PGPEP1L: variants seen among roughly 807,000 people sequenced by gnomAD.
PGPEP1L encodes the protein pyroglutamyl-peptidase 1-like protein.
A neutral mutation model predicts 6.0 loss-of-function variants in PGPEP1L; 7 were observed. That is an observed-to-expected ratio of 1.17 (90% CI 0.66 to 2.19). PGPEP1L has a LOEUF of 2.19. Ranked by LOEUF, PGPEP1L falls within the 30% of genes most tolerant of loss-of-function variation. The probability of loss-of-function intolerance (pLI) is 0.00; values close to 1 mark genes in which losing one functional copy is unlikely to be tolerated. For missense variants in PGPEP1L, 209 were observed against 192.5 expected (o/e 1.09, Z -0.51); for synonymous variants, 103 against 83.9 (o/e 1.23, Z -1.24).
At chr15:98,969,378 T>C (rs375966709) in intron 4 of PGPEP1L, 47 bp downstream of exon 4, 35 of 1,606,254 alleles carry the variant, frequency 2.2e-5, no homozygotes, top group African/African-American at 4.0e-5. Flanking sequence ...CTGACGGCCA[T>C]TGCTTCTCTC....
intron 2 of PGPEP1L, among the ~76,000 whole-genome samples, chr15:98,986,084 T>C (rs2017742484): frequency 6.6e-6 from 1 of 152,246 alleles, no homozygotes; most frequent in South Asian, 2.1e-4. Flanking sequence ...TTATGGACCA[T>C]GTCCTCTCCC....
At chr15:98,970,983 C>T in intron 3 of PGPEP1L, 53 bp downstream of exon 3, 7 of 1,605,870 alleles carry the variant, frequency 4.4e-6, no homozygotes, top group Non-Finnish European at 6.0e-6. Context: ...GGTTCAGAGG[C>T]TCCAGCTCCA....
chr15:98,970,831 C>G (rs2017482819), intron 3 of PGPEP1L, among the ~76,000 whole-genome samples: 1 of 152,206 alleles, frequency 6.6e-6, no homozygotes, highest in Non-Finnish European at 1.5e-5. Flanking sequence ...TCCAGATTTT[C>G]TATTAAGATC....
chr15:99,002,128 C>T (rs1555473129), intron 2 of PGPEP1L, among the ~76,000 whole-genome samples: 1 of 152,118 alleles, frequency 6.6e-6, no homozygotes, highest in East Asian at 1.9e-4. Flanking sequence ...CCTTCCACGT[C>T]AGCCTCCCGA....
chr15:98,971,885 A>G (rs1196458428), intron 2 of PGPEP1L, among the ~76,000 whole-genome samples: 1 of 152,252 alleles, frequency 6.6e-6, no homozygotes, highest in Non-Finnish European at 1.5e-5. Flanking sequence ...TGAAACACTA[A>G]AAAGTCAAAA....
At position 99,007,706 on chromosome 15, in the gene PGPEP1L, C is replaced by T. The variant is rs1398153993; in HGVS notation, c.-717G>A. 1 of 152,108 alleles carries T rather than the reference C, an allele frequency of 6.6e-6. No homozygotes were observed. The highest frequency in any genetic ancestry group is 2.4e-5 in the African/African-American group (1 of 41,388). The allele number at this position is 152,108 out of a possible 1,614,324, so 9.4% of individuals were successfully genotyped here. A position where few individuals can be genotyped will look rare whatever the true frequency, so the allele number is the denominator to read the frequency against. On this transcript the variant is annotated 5_prime_UTR_variant, in exon 1 of 5. Coordinates refer to ENST00000535714, the MANE Select transcript of PGPEP1L (RefSeq NM_001167902.2). ...TACAGCTCATAAAGGCAGTGCGGAC[C>T]CAAACAGTAAGCAGCAGCAACGGTT... is the stretch of plus-strand genomic sequence containing the variant.
In PGPEP1L at chr15:99,007,618, T is replaced by A. The variant is rs1223665797; in HGVS notation, c.-629A>T. On this transcript the variant is annotated 5_prime_UTR_variant, in exon 1 of 5. Coordinates refer to ENST00000535714, the MANE Select transcript of PGPEP1L (RefSeq NM_001167902.2). ...TGGCGTGTTTGGAGTTATTCGTTTC[T>A]CCCGGTGGGTCCGTGATGTGGCTGG... 4 of 152,018 alleles carry A rather than the reference T, an allele frequency of 2.6e-5. No homozygotes were observed. Among genetic ancestry groups the A allele is most frequent in the Non-Finnish European group, 5.9e-5 (4 of 68,072 alleles). 9.4% of individuals were successfully genotyped at this position (152,018 alleles called of 1,614,324 possible).
At chr15:98,996,226 T>G (rs1436507186) in intron 2 of PGPEP1L, among the ~76,000 whole-genome samples, 1 of 152,246 alleles carries the variant, frequency 6.6e-6, no homozygotes, top group African/African-American at 2.4e-5. Flanking sequence ...TTGGTGATCT[T>G]TAATTGGAAA....
Position 98,971,494 on chromosome 15 carries a change from C to CA in PGPEP1L, c.-141-337dup, listed in dbSNP as rs532562581. Among the ~76,000 whole-genome samples the CA allele has an allele frequency of 8.4e-3, 1,261 of 150,956 alleles. 14 individuals carry two copies. The highest frequency in any genetic ancestry group is 0.048 in the Middle Eastern group (14 of 294). On this transcript the variant is annotated intron_variant, in intron 2 of 4. Coordinates refer to ENST00000535714, the MANE Select transcript of PGPEP1L (RefSeq NM_001167902.2). ...GGGTGACAGAGCTAGACTCTGTTTC[C>CA]AAAAAAAGAAAAGAAAAGAAAAATC... is the stretch of plus-strand genomic sequence containing the variant.
intron 2 of PGPEP1L, among the ~76,000 whole-genome samples, chr15:98,972,872 CAAAAAAAAAAAAAA>C (rs58126997): frequency 6.6e-5 from 3 of 45,688 alleles, no homozygotes; most frequent in East Asian, 1.7e-3. Context: ...GACTCCGTCT[CAAAAAAAAAAAAAA>C]AAAAAAAAAA....
intron 2 of PGPEP1L, among the ~76,000 whole-genome samples, chr15:98,980,302 C>A (rs1362231815): frequency 2.0e-5 from 3 of 152,070 alleles, no homozygotes; most frequent in East Asian, 3.9e-4. Context: ...GAAACCTGAA[C>A]GATCAGGGAG....
intron 2 of PGPEP1L, among the ~76,000 whole-genome samples, chr15:98,983,955 T>C (rs2017705627): frequency 6.6e-6 from 1 of 151,972 alleles, no homozygotes; most frequent in African/African-American, 2.4e-5. Flanking sequence ...TTTTCCTTAC[T>C]ATCTATAATT....
At chr15:98,993,188 C>T (rs1242461234) in intron 2 of PGPEP1L, among the ~76,000 whole-genome samples, 1 of 151,968 alleles carries the variant, frequency 6.6e-6, no homozygotes, top group East Asian at 1.9e-4. Context: ...AATGGGAGAA[C>T]ATTTTTGCAA....
chr15:99,006,077 G>A (rs2018054736), intron 1 of PGPEP1L, among the ~76,000 whole-genome samples: 1 of 152,196 alleles, frequency 6.6e-6, no homozygotes. Context: ...GAATCTTATG[G>A]CGCCTGCCTT....
At chr15:98,997,694 T>C (rs989273716) in intron 2 of PGPEP1L, among the ~76,000 whole-genome samples, 10 of 152,180 alleles carry the variant, frequency 6.6e-5, no homozygotes, top group Non-Finnish European at 1.2e-4. Flanking sequence ...CATACTTACC[T>C]CTTTGGGTCC....
At chr15:98,973,775 C>T (rs1275182106) in intron 2 of PGPEP1L, among the ~76,000 whole-genome samples, 1 of 151,968 alleles carries the variant, frequency 6.6e-6, no homozygotes, top group Non-Finnish European at 1.5e-5. Context: ...AAATAAACAG[C>T]CTAATGATGC....
At chr15:99,003,976 G>A (rs1172649000) in intron 2 of PGPEP1L, among the ~76,000 whole-genome samples, 2 of 148,560 alleles carry the variant, frequency 1.3e-5, no homozygotes, top group African/African-American at 2.6e-5. Flanking sequence ...CTTTTTCTCT[G>A]AAGGTCGATA....
chr15:98,998,807 G>A lies in PGPEP1L; in HGVS notation c.-142+6622C>T, dbSNP rs972293100. Among the ~76,000 whole-genome samples the A allele has an allele frequency of 2.6e-5, 4 of 152,090 alleles. No individual in the cohort carries two copies. The East Asian group carries it at 5.8e-4, about 22-fold the overall frequency. ...AGCCTGGCCAACATGGCGAAACCCC[G>A]TCTCTACTAAATATACAAAAATTAG... is the stretch of plus-strand genomic sequence containing the variant. On this transcript the variant is annotated intron_variant, in intron 2 of 4. Transcript: ENST00000535714.
chr15:98,986,187 G>A (rs975857743), intron 2 of PGPEP1L, among the ~76,000 whole-genome samples: 1 of 152,150 alleles, frequency 6.6e-6, no homozygotes, highest in Non-Finnish European at 1.5e-5. Flanking sequence ...AAAACCCTTA[G>A]AATTTTGTAA....
Sources: allele counts gnomAD v4.1 joint callset (sites outside exome capture counted in the v4.1 genomes callset), GRCh38; gene constraint gnomAD v4.1.1; transcripts MANE v1.5; gene names NCBI Gene and HGNC (gene_info 2026-07-23, HGNC 2026-07-21).